Variants in TPD52L1 observed in about 807,000 individuals in gnomAD.
The protein encoded by TPD52L1 is tumor protein D53.
Under a neutral mutation model 28.7 loss-of-function variants are expected in TPD52L1, and 18 were observed. The observed-to-expected ratio is 0.63, with a 90% CI of 0.43 to 0.93. The LOEUF (loss-of-function observed/expected upper bound fraction) is 0.93, where lower values mean the gene tolerates loss of function less well. Ranked by LOEUF, TPD52L1 falls within the 40% of genes least tolerant of loss-of-function variation. The probability of loss-of-function intolerance (pLI) is 0.00; values close to 1 mark genes in which losing one functional copy is unlikely to be tolerated. For missense variants in TPD52L1, 203 were observed against 254.8 expected, an observed-to-expected ratio of 0.80 and a Z score of 1.39; for synonymous variants, 75 against 88.8, an observed-to-expected ratio of 0.84 and a Z score of 0.88.
chr6:125,172,164 T>TC (rs1491251263), intron 1 of TPD52L1, among the ~76,000 whole-genome samples: 8 of 80,872 alleles, frequency 9.9e-5, no homozygotes, highest in Non-Finnish European at 1.1e-4. Context: ...TTCTTTTCTT[T>TC]CTTTCTTTCT....
chr6:125,178,658 A>AACAAAAT (rs1163984998), intron 1 of TPD52L1, among the ~76,000 whole-genome samples: 370 of 148,042 alleles, frequency 2.5e-3, no homozygotes, highest in Non-Finnish European at 4.5e-3. Context: ...AACAAAACAA[A>AACAAAAT]ATATATATAT....
intron 6 of TPD52L1, among the ~76,000 whole-genome samples, chr6:125,258,248 A>G (rs180916361): frequency 1.3e-5 from 2 of 152,258 alleles, no homozygotes; most frequent in Non-Finnish European, 2.9e-5. Flanking sequence ...ATTACTCAGC[A>G]TTTACCATGC....
At chr6:125,262,125 G>A (rs1046585507) in intron 6 of TPD52L1, 1 of 152,178 alleles carries the variant, frequency 6.6e-6, no homozygotes, top group African/African-American at 2.4e-5. Context: ...TCACTATCAC[G>A]AGAACAGTAT....
intron 4 of TPD52L1, among the ~76,000 whole-genome samples, chr6:125,248,851 C>G (rs1485587574): frequency 6.6e-6 from 1 of 152,088 alleles, no homozygotes; most frequent in African/African-American, 2.4e-5. Context: ...CACATATACA[C>G]TTCTGGTAGT....
At chr6:125,195,552 T>G (rs1412750479) in intron 1 of TPD52L1, among the ~76,000 whole-genome samples, 4 of 152,070 alleles carry the variant, frequency 2.6e-5, no homozygotes, top group African/African-American at 9.7e-5. Flanking sequence ...TTAAGTAAAT[T>G]TTAGATCTAT....
chr6:125,206,802 G>A (rs1794177679), intron 1 of TPD52L1, among the ~76,000 whole-genome samples: 2 of 151,952 alleles, frequency 1.3e-5, no homozygotes, highest in Admixed American at 1.3e-4. Context: ...AGATTGGGTG[G>A]TGGAGAAAGA....
intron 4 of TPD52L1, among the ~76,000 whole-genome samples, chr6:125,249,366 G>C (rs528057267): frequency 1.9e-4 from 29 of 151,326 alleles, no homozygotes; most frequent in African/African-American, 7.0e-4. Context: ...TTCTTAAACT[G>C]TTACTTTTTT....
intron 6 of TPD52L1, chr6:125,260,450 G>A (rs557906424): frequency 6.6e-6 from 1 of 152,240 alleles, no homozygotes; most frequent in South Asian, 2.1e-4. Flanking sequence ...AATATTTCGT[G>A]ACATTTGAAA....
At chr6:125,256,985 C>A in intron 5 of TPD52L1, 113 bp from the exon 6 acceptor site, 1 of 851,326 alleles carries the variant, frequency 1.2e-6, no homozygotes, top group Non-Finnish European at 1.8e-6. Context: ...GGCAAGCTGA[C>A]AGGTAGCTCT....
Position 125,263,477 on chromosome 6 carries a change from TAAAA to T in TPD52L1, c.*516_*519del, listed in dbSNP as rs987362741. The T allele has an allele frequency of 4.6e-5, 7 of 152,316 alleles. No homozygotes were observed. Among genetic ancestry groups the T allele is most frequent in the African/African-American group, 1.7e-4 (7 of 41,464 alleles). 9.4% of individuals were successfully genotyped at this position (152,316 alleles called of 1,614,324 possible). On this transcript the variant is annotated 3_prime_UTR_variant, in exon 7 of 7. Coordinates refer to ENST00000534000, the MANE Select transcript of TPD52L1 (RefSeq NM_003287.4). ...AATTATGTATGTTAATTTCAGCAAT[TAAAA>T]GAATTGATTTTAATGACTTTGAATT... is the stretch of plus-strand genomic sequence containing the variant.
intron 1 of TPD52L1, among the ~76,000 whole-genome samples, chr6:125,191,115 A>G (rs1239175848): frequency 1.3e-5 from 2 of 152,240 alleles, no homozygotes; most frequent in Non-Finnish European, 2.9e-5. Flanking sequence ...CCTCACAACT[A>G]CAGTTAACAT....
intron 1 of TPD52L1, among the ~76,000 whole-genome samples, chr6:125,166,179 G>A (rs1409954663): frequency 6.6e-6 from 1 of 152,170 alleles, no homozygotes; most frequent in African/African-American, 2.4e-5. Flanking sequence ...TTTGGGATGG[G>A]GGTAGTGGGA....
intron 1 of TPD52L1, among the ~76,000 whole-genome samples, chr6:125,157,450 G>T (rs1790211150): frequency 1.3e-5 from 2 of 152,208 alleles, no homozygotes; most frequent in African/African-American, 4.8e-5. Flanking sequence ...AACAGGAAGT[G>T]GGATTATGGG....
rs765112877 is a variant in TPD52L1 at position 125,263,163 on chromosome 6, G to A, written c.*201G>A. 5.0e-6 allele frequency: 3 copies of A among 605,632 alleles called. No individual in the cohort carries two copies. Among genetic ancestry groups the A allele is most frequent in the Non-Finnish European group, 8.3e-6 (3 of 359,454 alleles). 37.5% of individuals were successfully genotyped at this position (605,632 alleles called of 1,614,324 possible). ...TGGACCACTTGACCATCACATTTCA[G>A]TATTCATAGATGACTGTCACATTTT... On this transcript the variant is annotated 3_prime_UTR_variant, in exon 7 of 7. Transcript: ENST00000534000.
rs563646838 is a variant in TPD52L1 at position 125,252,042 on chromosome 6, C to A, written c.387-1675C>A. ...TGCAGGTCTCACTCCATCGGGTAAGCGCCACAGGGCTGCGTGTGGGGCTTT... is the reference window on the plus strand; with the variant it reads ...TGCAGGTCTCACTCCATCGGGTAAGAGCCACAGGGCTGCGTGTGGGGCTTT... On this transcript the variant is annotated intron_variant, in intron 4 of 6. Coordinates refer to ENST00000534000, the MANE Select transcript of TPD52L1 (RefSeq NM_003287.4). 10 of 1,536,094 alleles carry A rather than the reference C, an allele frequency of 6.5e-6. No individual in the cohort carries two copies. The East Asian group carries it at 2.4e-4, about 38-fold the overall frequency.
At chr6:125,247,744 A>T (rs997191328) in intron 3 of TPD52L1, among the ~76,000 whole-genome samples, 2 of 152,232 alleles carry the variant, frequency 1.3e-5, no homozygotes, top group African/African-American at 4.8e-5. Flanking sequence ...TTTTGAAAAA[A>T]AGTCACTATA....
In TPD52L1 at chr6:125,231,814, C is replaced by T. The variant is rs142917175; in HGVS notation, c.284+2548C>T. On this transcript the variant is annotated intron_variant, in intron 3 of 6. Transcript: ENST00000534000. Reference sequence around the variant, plus strand: ...TGTTTACGAGCATTGTGGTTAGGCTCATGGTTGCTTGGGTTGAAATCTAGG... The same window carrying T: ...TGTTTACGAGCATTGTGGTTAGGCTTATGGTTGCTTGGGTTGAAATCTAGG... Among the ~76,000 whole-genome samples the T allele has an allele frequency of 1.6e-3, 247 of 152,234 alleles. 1 individual carries two copies. Among genetic ancestry groups the T allele is most frequent in the African/African-American group, 5.9e-3 (243 of 41,534 alleles).
At chr6:125,230,819 G>A (rs1795903753) in intron 3 of TPD52L1, among the ~76,000 whole-genome samples, 1 of 152,216 alleles carries the variant, frequency 6.6e-6, no homozygotes, top group Non-Finnish European at 1.5e-5. Flanking sequence ...ACAGCCCAGA[G>A]TCAGGCAGAA....
chr6:125,163,289 C>G (rs1016392319), intron 1 of TPD52L1, among the ~76,000 whole-genome samples: 2 of 152,128 alleles, frequency 1.3e-5, no homozygotes, highest in African/African-American at 2.4e-5. Context: ...ATGGCATGCA[C>G]TTTTTTAAAA....
Sources: allele counts gnomAD v4.1 joint callset (sites outside exome capture counted in the v4.1 genomes callset), GRCh38; gene constraint gnomAD v4.1.1; transcripts MANE v1.5; gene names NCBI Gene and HGNC (gene_info 2026-07-23, HGNC 2026-07-21).